MRRF: variants seen among roughly 807,000 people sequenced by gnomAD.
The protein encoded by MRRF is ribosome-recycling factor, mitochondrial.
MRRF carries 18 observed loss-of-function variants against 25.1 expected under a neutral mutation model. The ratio of observed to expected loss-of-function variants is 0.72; its 90% confidence interval spans 0.50 to 1.06. The LOEUF (loss-of-function observed/expected upper bound fraction) is 1.06. Ranked by LOEUF, MRRF falls within the 50% of genes least tolerant of loss-of-function variation. The probability of loss-of-function intolerance (pLI) is 0.00; values close to 1 mark genes in which losing one functional copy is unlikely to be tolerated. For synonymous variants in MRRF, 113 were observed against 112.1 expected, an observed-to-expected ratio of 1.01 and a Z score of -0.05; for missense variants, 323 against 319.3, an observed-to-expected ratio of 1.01 and a Z score of -0.09.
chr9:122,286,240 G>A, intron 4 of MRRF: 1 of 1,267,158 alleles, frequency 7.9e-7, no homozygotes, highest in Non-Finnish European at 1.0e-6. Context: ...GGTTGGACCT[G>A]TTGTATTTGA....
chr9:122,320,788 A>G (rs1835848944), intron 6 of MRRF, among the ~76,000 whole-genome samples: 1 of 152,200 alleles, frequency 6.6e-6, no homozygotes, highest in South Asian at 2.1e-4. Flanking sequence ...CTCAATTCCT[A>G]GCCAAGGCCT....
intron 6 of MRRF, among the ~76,000 whole-genome samples, chr9:122,319,211 C>T (rs954649665): frequency 2.8e-5 from 4 of 142,506 alleles, no homozygotes; most frequent in South Asian, 2.2e-4. Context: ...AGTGCAGTGG[C>T]GCAATCTTGG....
chr9:122,297,646 G>A (rs1834174662), intron 5 of MRRF, among the ~76,000 whole-genome samples: 1 of 152,094 alleles, frequency 6.6e-6, no homozygotes, highest in Admixed American at 6.5e-5. Flanking sequence ...ATTTTCTAAG[G>A]CCTACTTCCT....
chr9:122,313,077 T>C, intron 5 of MRRF, 150 bp from the exon 6 acceptor site: 1 of 820,580 alleles, frequency 1.2e-6, no homozygotes, highest in Admixed American at 2.2e-5. Flanking sequence ...CCTTTATACA[T>C]GCGTTTTCCT....
intron 4 of MRRF, among the ~76,000 whole-genome samples, chr9:122,289,631 TG>T (rs1833630663): frequency 6.6e-6 from 1 of 152,182 alleles, no homozygotes; most frequent in Non-Finnish European, 1.5e-5. Context: ...GCATTTCTTT[TG>T]CAGAGAAAAA....
chr9:122,319,492 G>T (rs1039846968), intron 6 of MRRF, among the ~76,000 whole-genome samples: 17 of 152,138 alleles, frequency 1.1e-4, no homozygotes, highest in Non-Finnish European at 1.0e-4. Flanking sequence ...TTACTCCTCT[G>T]TAAAATGGGG....
intron 5 of MRRF, among the ~76,000 whole-genome samples, chr9:122,308,927 T>A (rs1835039121): frequency 6.6e-6 from 1 of 152,132 alleles, no homozygotes; most frequent in Non-Finnish European, 1.5e-5. Flanking sequence ...TGTATTTTAG[T>A]CATTTTTTAA....
At chr9:122,266,023 A>G (rs759954522) in intron 1 of MRRF, among the ~76,000 whole-genome samples, 2 of 152,238 alleles carry the variant, frequency 1.3e-5, no homozygotes, top group Non-Finnish European at 2.9e-5. Context: ...AGAACCTACC[A>G]TAATAGTAAG....
chr9:122,328,162 A>T lies in MRRF; in HGVS notation c.*5545A>T, dbSNP rs968755095. 1.3e-5 allele frequency: 2 copies of T among 152,102 alleles called. No homozygotes were observed. Among genetic ancestry groups the T allele is most frequent in the Admixed American group, 6.6e-5 (1 of 15,262 alleles). 9.4% of individuals were successfully genotyped at this position (152,102 alleles called of 1,614,324 possible). A position where few individuals can be genotyped will look rare whatever the true frequency, so the allele number is the denominator to read the frequency against. ...AACTTTTAAAATTATTTGTAGAGAC[A>T]AGGTCTTGGCTATGTTGCCCAGGCT... On this transcript the variant is annotated 3_prime_UTR_variant, in exon 7 of 7. Coordinates refer to ENST00000344641, the MANE Select transcript of MRRF (RefSeq NM_138777.5).
Position 122,324,086 on chromosome 9 carries a change from A to G in MRRF, c.*1469A>G, listed in dbSNP as rs1394291918. The G allele has an allele frequency of 2.6e-5, 4 of 152,200 alleles. No homozygotes were observed. Among genetic ancestry groups the G allele is most frequent in the South Asian group, 2.1e-4 (1 of 4,832 alleles). 9.4% of individuals were successfully genotyped at this position (152,200 alleles called of 1,614,324 possible). ...CCAGCAGACACCAACTGGGTATCCT[A>G]TAATTCAATTCATTTCTGACATTAC... On this transcript the variant is annotated 3_prime_UTR_variant, in exon 7 of 7. Coordinates refer to ENST00000344641, the MANE Select transcript of MRRF (RefSeq NM_138777.5).
intron 2 of MRRF, among the ~76,000 whole-genome samples, chr9:122,277,454 A>T (rs1832843183): frequency 6.6e-6 from 1 of 152,186 alleles, no homozygotes; most frequent in South Asian, 2.1e-4. Context: ...CTAGATTTTT[A>T]AAAATCTTAC....
At chr9:122,301,711 C>T (rs1400119673) in intron 5 of MRRF, among the ~76,000 whole-genome samples, 1 of 151,342 alleles carries the variant, frequency 6.6e-6, no homozygotes, top group Non-Finnish European at 1.5e-5. Flanking sequence ...ACTGAGTATT[C>T]TATGACTTTT....
rs768445789 is a variant in MRRF at position 122,313,334 on chromosome 9, A to G, written c.659A>G (p.Lys220Arg). The G allele has an allele frequency of 3.1e-6, 5 of 1,614,068 alleles. No homozygotes were observed. The Admixed American group carries it at 6.7e-5, about 22-fold the overall frequency. ...KVRTNSMNKL[K>R]KSKDTVSEDT... Reference sequence around the variant, plus strand: ...CGCACCAACTCAATGAACAAGCTGAAGAAATCCAAGGATACAGTCTCAGAG... The same window carrying G: ...CGCACCAACTCAATGAACAAGCTGAGGAAATCCAAGGATACAGTCTCAGAG... The change falls in exon 6 of 7, where the codon AAG (lysine) becomes AGG (arginine). Residue 220 changes from lysine to arginine, a missense_variant. Lys to Arg is a conservative substitution (Grantham distance 26). Transcript: ENST00000344641.
rs566907113 is a variant in MRRF at position 122,308,949 on chromosome 9, A to G, written c.552-4278A>G. 1.6e-4 allele frequency among the ~76,000 whole-genome samples: 24 copies of G among 152,258 alleles called. No homozygotes were observed. The South Asian group carries it at 5.0e-3, about 32-fold the overall frequency. On this transcript the variant is annotated intron_variant, in intron 5 of 6. Transcript: ENST00000344641. Reference sequence around the variant, plus strand: ...TAGTCATTTTTTAAGTGTACAGTTCAGTGACATTAAGTATATTCACATTGC... The same window carrying G: ...TAGTCATTTTTTAAGTGTACAGTTCGGTGACATTAAGTATATTCACATTGC...
intron 3 of MRRF, among the ~76,000 whole-genome samples, chr9:122,283,305 G>A (rs1833192464): frequency 6.6e-6 from 1 of 152,042 alleles, no homozygotes; most frequent in Non-Finnish European, 1.5e-5. Flanking sequence ...ATGTTGGCCA[G>A]GCTGGTCTCA....
chr9:122,292,821 A>G (rs1833859832), intron 5 of MRRF, among the ~76,000 whole-genome samples: 1 of 152,156 alleles, frequency 6.6e-6, no homozygotes, highest in African/African-American at 2.4e-5. Context: ...TCCAGGTGAG[A>G]CACATCTTCT....
At chr9:122,274,821 G>A (rs890204738) in intron 2 of MRRF, among the ~76,000 whole-genome samples, 1 of 151,428 alleles carries the variant, frequency 6.6e-6, no homozygotes, top group Admixed American at 6.6e-5. Flanking sequence ...AATTGTTCTT[G>A]ACAGAAGTTA....
intron 5 of MRRF, among the ~76,000 whole-genome samples, chr9:122,299,747 G>A (rs1834325339): frequency 6.6e-6 from 1 of 152,108 alleles, no homozygotes; most frequent in Admixed American, 6.5e-5. Context: ...ATAGGGTCCT[G>A]GAAACCAAGT....
At chr9:122,288,906 A>G (rs977376292) in intron 4 of MRRF, among the ~76,000 whole-genome samples, 1 of 152,220 alleles carries the variant, frequency 6.6e-6, no homozygotes, top group Non-Finnish European at 1.5e-5. Context: ...CTCTACTCCA[A>G]GCAGCCACAA....
Sources: gnomAD v4.1 joint callset for allele counts (sites outside exome capture counted in the v4.1 genomes callset) on GRCh38, gnomAD v4.1.1 for gene constraint, MANE v1.5 for transcripts, NCBI Gene and HGNC (gene_info 2026-07-23, HGNC 2026-07-21) for gene names.